SETSIP: variants seen among roughly 807,000 people sequenced by gnomAD.
SETSIP encodes protein SETSIP.
SETSIP carries 15 observed loss-of-function variants against 21.9 expected under a neutral mutation model. The ratio of observed to expected loss-of-function variants is 0.69; its 90% confidence interval spans 0.46 to 1.06. The LOEUF (loss-of-function observed/expected upper bound fraction) is 1.06, where lower values mean the gene tolerates loss of function less well. SETSIP is among the 50% of genes least tolerant of loss of function. The probability of loss-of-function intolerance (pLI) is 0.00; values close to 1 mark genes in which losing one functional copy is unlikely to be tolerated. For synonymous variants in SETSIP, 101 were observed against 121.2 expected, an observed-to-expected ratio of 0.83 and a Z score of 1.09; for missense variants, 310 against 337.4, an observed-to-expected ratio of 0.92 and a Z score of 0.64.
chr1:92,074,866 A>G, exon 1 of SETSIP: 4 of 1,611,604 alleles, frequency 2.5e-6, no homozygotes, highest in Non-Finnish European at 3.4e-6. Flanking sequence ...TTTGACTTGA[A>G]CGTTTCGTCA....
chr1:92,074,827 C>T (rs1341591586), exon 1 of SETSIP: 1 of 1,611,476 alleles, frequency 6.2e-7, no homozygotes, highest in Non-Finnish European at 8.5e-7. Context: ...GTTCCTCATG[C>T]TGCCTCTTCC....
exon 1 of SETSIP, chr1:92,075,314 A>G: frequency 1.2e-6 from 2 of 1,611,884 alleles, no homozygotes; most frequent in South Asian, 2.2e-5. Context: ...CTTCTTCGGC[A>G]AGCCTGCAGA....
chr1:92,074,651 CCATCATCATCAT>C, exon 1 of SETSIP: 1 of 1,578,310 alleles, frequency 6.3e-7, no homozygotes, highest in Non-Finnish European at 8.6e-7. Flanking sequence ...CCCTTCATCA[CCATCATCATCAT>C]CATCATCATC....
chr1:92,074,914 T>C, exon 1 of SETSIP: 1 of 1,611,820 alleles, frequency 6.2e-7, no homozygotes, highest in Non-Finnish European at 8.5e-7. Context: ...TGGTGGACTT[T>C]GAAGATGGAT....
At chr1:92,075,345 C>G in exon 1 of SETSIP, 1 of 1,611,176 alleles carries the variant, frequency 6.2e-7, no homozygotes, top group Non-Finnish European at 8.5e-7. Context: ...TCCTCCAGTC[C>G]CAGAGCAGGA....
At chr1:92,075,127 C>T in exon 1 of SETSIP, 2 of 1,611,770 alleles carry the variant, frequency 1.2e-6, no homozygotes, top group Admixed American at 1.7e-5. Flanking sequence ...ATGTTGTTAC[C>T]CCAAAATTTG....
Position 92,075,177 on chromosome 1 carries a change from G to T in SETSIP, c.235C>A (p.Pro79Thr). The change falls in exon 1 of 1, where the codon CCA becomes ACA. Residue 79 changes from proline (P) to threonine (T), a missense_variant. By Grantham distance (38) the Pro-to-Thr change is conservative (BLOSUM62 -1). Coordinates refer to ENST00000596516, the Ensembl canonical transcript of SETSIP. ...AATTCTGACCTCTTCTGAAAAAATG[G>T]TTGGCGGAGTTTGTTATATTTCTGT... is the stretch of plus-strand genomic sequence containing the variant. 1.9e-6 allele frequency: 3 copies of T among 1,611,754 alleles called. No individual in the cohort carries two copies. In the South Asian group the frequency reaches 3.3e-5, roughly 18 times the overall value.
chr1:92,074,700 T>C, exon 1 of SETSIP: 1 of 1,599,376 alleles, frequency 6.3e-7, no homozygotes, highest in African/African-American at 1.3e-5. Flanking sequence ...TCATCATCCA[T>C]ATCAGGAACC....
chr1:92,074,644 T>G, exon 1 of SETSIP: 1 of 1,578,380 alleles, frequency 6.3e-7, no homozygotes, highest in South Asian at 1.2e-5. Context: ...CTTCCTCCCC[T>G]TCATCACCAT....
exon 1 of SETSIP, chr1:92,075,067 C>T (rs183428671): frequency 6.2e-7 from 1 of 1,611,732 alleles, no homozygotes; most frequent in African/African-American, 1.3e-5. Flanking sequence ...AATGCAGTGC[C>T]TCTTCGTCCT....
exon 1 of SETSIP, chr1:92,075,336 C>T (rs1158413963): frequency 6.2e-7 from 1 of 1,611,468 alleles, no homozygotes; most frequent in East Asian, 2.2e-5. Flanking sequence ...GCCGATGTCT[C>T]CTCCAGTCCC....
chr1:92,074,569 C>T, exon 1 of SETSIP: 1 of 1,572,926 alleles, frequency 6.4e-7, no homozygotes, highest in Non-Finnish European at 8.6e-7. Context: ...CTCCTTCCTC[C>T]CCTTCATCAT....
exon 1 of SETSIP, chr1:92,074,673 C>T: frequency 6.3e-7 from 1 of 1,589,574 alleles, no homozygotes. Flanking sequence ...TCATCATCAT[C>T]ATCTTCTCCT....
exon 1 of SETSIP, chr1:92,075,000 C>T: frequency 6.2e-7 from 1 of 1,611,446 alleles, no homozygotes; most frequent in South Asian, 1.1e-5. Context: ...AAATAAAAAT[C>T]TATTCTGTAA....
chr1:92,075,213 A>T (rs910844311), exon 1 of SETSIP: 4 of 1,611,776 alleles, frequency 2.5e-6, no homozygotes, highest in Non-Finnish European at 2.5e-6. Context: ...TCTACTTTCA[A>T]AATCTCCTCA....
In SETSIP at chr1:92,074,864, G is replaced by C; in HGVS notation, c.548C>G (p.Ser183Ter). The C allele has an allele frequency of 1.2e-6, 2 of 1,611,580 alleles. No individual in the cohort carries two copies. Among genetic ancestry groups the C allele is most frequent in the Non-Finnish European group, 1.7e-6 (2 of 1,179,710 alleles). Residue 183 changes from serine (S) to a stop codon, truncating the protein, a stop_gained, in exon 1 of 1, where the codon TCA becomes TGA. Coordinates refer to ENST00000596516, the Ensembl canonical transcript of SETSIP. LOFTEE classifies it high-confidence loss of function. Reference sequence around the variant, plus strand: ...GCTGGCTTTATTCTGCGTTTGACTTGAACGTTTCGTCACATCCTTTCCAGA... The same window carrying C: ...GCTGGCTTTATTCTGCGTTTGACTTCAACGTTTCGTCACATCCTTTCCAGA...
chr1:92,075,320 G>C, exon 1 of SETSIP: 11 of 1,611,774 alleles, frequency 6.8e-6, no homozygotes, highest in Non-Finnish European at 8.5e-6. Flanking sequence ...CGGCAAGCCT[G>C]CAGAGGCCGA....
exon 1 of SETSIP, chr1:92,074,592 C>G: frequency 6.4e-7 from 1 of 1,565,590 alleles, no homozygotes; most frequent in Non-Finnish European, 8.6e-7. Context: ...TCTTCATCTT[C>G]TTCACCTTCA....
At chr1:92,074,880 C>G (rs779105583) in exon 1 of SETSIP, 1 of 1,611,682 alleles carries the variant, frequency 6.2e-7, no homozygotes, top group Non-Finnish European at 8.5e-7. Context: ...TTCGTCACAT[C>G]CTTTCCAGAT....
Sources: allele counts gnomAD v4.1 joint callset, GRCh38; gene constraint gnomAD v4.1.1; transcripts MANE v1.5; gene names NCBI Gene and HGNC (gene_info 2026-07-23, HGNC 2026-07-21).